Variants in DSCAM observed in about 807,000 individuals in gnomAD.
The protein encoded by DSCAM is DS cell adhesion molecule.
A neutral mutation model predicts 217.7 loss-of-function variants in DSCAM; 47 were observed. The ratio of observed to expected loss-of-function variants is 0.22; its 90% CI spans 0.17 to 0.28. The LOEUF is 0.28. Ranked by LOEUF, DSCAM falls within the 10% of genes least tolerant of loss-of-function variation. The pLI, the probability that DSCAM is intolerant of heterozygous loss-of-function variation, is 1.00. For synonymous variants in DSCAM, 1,056 were observed against 1,015.3 expected (o/e 1.04, Z -0.76); for missense variants, 2,080 against 2,618.3 (o/e 0.79, Z 4.49).
chr21:40,283,902 T>C (rs1300856223), intron 10 of DSCAM, among the ~76,000 whole-genome samples: 2 of 151,276 alleles, frequency 1.3e-5, no homozygotes, highest in Non-Finnish European at 2.9e-5. Context: ...CGCAGGACCA[T>C]GGAAAGGAGG....
At chr21:40,034,079 AAACTGG>A (rs1462010165) in intron 32 of DSCAM, among the ~76,000 whole-genome samples, 4 of 1,088 alleles carry the variant, frequency 3.7e-3, no homozygotes, top group Admixed American at 0.013. Flanking sequence ...AGATGGGGAA[AAACTGG>A]AAACTCTAAA....
chr21:40,357,861 T>A (rs200217116), intron 4 of DSCAM, among the ~76,000 whole-genome samples: 1 of 150,892 alleles, frequency 6.6e-6, no homozygotes. Context: ...TAAAGTATAA[T>A]AAAAAAAAAC....
chr21:40,038,709 C>T (rs1374599338), intron 32 of DSCAM, among the ~76,000 whole-genome samples: 8 of 136,092 alleles, frequency 5.9e-5, no homozygotes, highest in Admixed American at 4.5e-4. Context: ...TATAAAGACA[C>T]ATGCACACAT....
chr21:40,097,954 A>AAAAAAAAAAAAGAAAGAAAG (rs1555877400), intron 20 of DSCAM, among the ~76,000 whole-genome samples: 1 of 51,516 alleles, frequency 1.9e-5, no homozygotes, highest in Non-Finnish European at 3.6e-5. Flanking sequence ...AAAAAAAAAA[A>AAAAAAAAAAAAGAAAGAAAG]AAAGAAAGAA....
At chr21:40,642,666 T>C (rs2089897710) in intron 3 of DSCAM, among the ~76,000 whole-genome samples, 1 of 152,192 alleles carries the variant, frequency 6.6e-6, no homozygotes, top group African/African-American at 2.4e-5. Context: ...CACTGCAACC[T>C]TCACCTCCCA....
chr21:40,274,005 T>C (rs957743295), intron 11 of DSCAM, among the ~76,000 whole-genome samples: 4 of 152,180 alleles, frequency 2.6e-5, no homozygotes, highest in African/African-American at 9.7e-5. Context: ...CGGTCACTGA[T>C]TCTACAAACA....
Position 40,338,196 on chromosome 21 carries a change from T to G in DSCAM, c.1688A>C (p.Asp563Ala). The G allele has an allele frequency of 6.2e-7, 1 of 1,614,244 alleles. No individual in the cohort carries two copies. The change falls in exon 8 of 33, where the codon GAT becomes GCT. Residue 563 changes from aspartate to alanine, a missense_variant. Transcript: ENST00000400454. ...FENNGTLKLSDVQKEVDEGEY... is the reference protein window; with the variant it reads ...FENNGTLKLSAVQKEVDEGEY... The stretch of plus-strand genomic sequence containing the variant: ...CCCCTCGTCCACTTCCTTTTGCACA[T>G]CTGAAAGTTTAAGAGTTCCATTGTT...
intron 3 of DSCAM, among the ~76,000 whole-genome samples, chr21:40,679,030 G>A (rs1034268281): frequency 6.6e-6 from 1 of 152,160 alleles, no homozygotes; most frequent in Admixed American, 6.5e-5. Flanking sequence ...TTGAAATGTC[G>A]ATTTCCCTCA....
At chr21:40,349,523 A>G (rs535840978) in intron 5 of DSCAM, among the ~76,000 whole-genome samples, 81 of 152,328 alleles carry the variant, frequency 5.3e-4, no homozygotes, top group Admixed American at 1.0e-3. Flanking sequence ...CACAGGCAAG[A>G]AAAATGGAAT....
intron 3 of DSCAM, among the ~76,000 whole-genome samples, chr21:40,581,425 G>A (rs1204585593): frequency 1.3e-5 from 2 of 152,142 alleles, no homozygotes; most frequent in Non-Finnish European, 2.9e-5. Flanking sequence ...AAGAAATAGG[G>A]GCTCAGGAAT....
chr21:40,636,837 G>A (rs2089767418), intron 3 of DSCAM, among the ~76,000 whole-genome samples: 3 of 142,072 alleles, frequency 2.1e-5, no homozygotes, highest in African/African-American at 8.0e-5. Flanking sequence ...CAAAATAAAC[G>A]CACCTGTCAT....
Position 40,087,271 on chromosome 21 carries a change from C to A in DSCAM, c.3867G>T (p.Leu1289=). 6.2e-7 allele frequency: 1 copy of A among 1,614,074 alleles called. No individual in the cohort carries two copies. Among genetic ancestry groups the A allele is most frequent in the South Asian group, 1.1e-5 (1 of 91,070 alleles). ...EPLAKAPARI[L]TFSGTVTTPW... ...GAGTAGTCACTGTCCCACTGAAGGT[C>A]AGGATTCGTGCAGGAGCTGAGGAAC... is the stretch of plus-strand genomic sequence containing the variant. Residue 1289 remains leucine, a synonymous_variant, in exon 22 of 33, where the codon CTG becomes CTT. Coordinates refer to ENST00000400454, the MANE Select transcript of DSCAM (RefSeq NM_001389.5).
At chr21:40,106,349 T>C (rs898710886) in intron 20 of DSCAM, among the ~76,000 whole-genome samples, 2 of 152,200 alleles carry the variant, frequency 1.3e-5, no homozygotes, top group African/African-American at 4.8e-5. Context: ...ATAAGCTTTT[T>C]GATGTATTGC....
intron 11 of DSCAM, among the ~76,000 whole-genome samples, chr21:40,193,680 C>G (rs2090977378): frequency 6.6e-6 from 1 of 152,178 alleles, no homozygotes; most frequent in Non-Finnish European, 1.5e-5. Context: ...TTAATGCCTC[C>G]CAGTCTCCTG....
chr21:40,663,025 G>A (rs2090155466), intron 3 of DSCAM, among the ~76,000 whole-genome samples: 1 of 150,812 alleles, frequency 6.6e-6, no homozygotes, highest in Admixed American at 6.7e-5. Flanking sequence ...TGTCAATGAT[G>A]TGTGTGTGTG....
intron 1 of DSCAM, among the ~76,000 whole-genome samples, chr21:40,785,383 A>G (rs1158314818): frequency 6.6e-6 from 1 of 152,226 alleles, no homozygotes. Flanking sequence ...AATTACTCTG[A>G]TGGAAAACTG....
intron 3 of DSCAM, among the ~76,000 whole-genome samples, chr21:40,377,582 G>A (rs1014076038): frequency 1.3e-5 from 2 of 152,034 alleles, no homozygotes; most frequent in African/African-American, 4.8e-5. Context: ...TCAGCTGTGA[G>A]CATGCTGAGT....
chr21:40,623,506 T>TA (rs372735914), intron 3 of DSCAM, among the ~76,000 whole-genome samples: 24 of 152,374 alleles, frequency 1.6e-4, no homozygotes, highest in African/African-American at 5.5e-4. Flanking sequence ...GCTACTGATC[T>TA]AACACTCATT....
chr21:40,309,008 A>G (rs2074109859), intron 9 of DSCAM, among the ~76,000 whole-genome samples: 1 of 152,136 alleles, frequency 6.6e-6, no homozygotes. Context: ...TTGATCCTGT[A>G]ATAATCTCCT....
Sources: allele counts gnomAD v4.1 joint callset (sites outside exome capture counted in the v4.1 genomes callset), GRCh38; gene constraint gnomAD v4.1.1; transcripts MANE v1.5; gene names NCBI Gene and HGNC (gene_info 2026-07-23, HGNC 2026-07-21).